SLC6A3: variants seen among roughly 807,000 people sequenced by gnomAD.
The protein encoded by SLC6A3 is solute carrier family 6 member 3, also known as sodium-dependent dopamine transporter.
SLC6A3 carries 19 observed loss-of-function variants against 70.4 expected under a neutral mutation model. The observed-to-expected ratio is 0.27, with a 90% CI of 0.19 to 0.40. The LOEUF is 0.40. SLC6A3 is among the 10% of genes least tolerant of loss of function. The pLI, the probability that SLC6A3 is intolerant of heterozygous loss-of-function variation, is 1.00. For synonymous variants in SLC6A3, 368 were observed against 356.6 expected, an observed-to-expected ratio of 1.03 and a Z score of -0.36; for missense variants, 613 against 838.5, an observed-to-expected ratio of 0.73 and a Z score of 3.32.
At chr5:1,425,202 G>A (rs1756551909) in intron 4 of SLC6A3, among the ~76,000 whole-genome samples, 1 of 152,216 alleles carries the variant, frequency 6.6e-6, no homozygotes, top group South Asian at 2.1e-4. Context: ...AGCCACTGGT[G>A]GTGATCCAGG....
chr5:1,401,728 C>T lies in SLC6A3; in HGVS notation c.1768-742G>A, dbSNP rs902364237. Among the ~76,000 whole-genome samples the T allele has an allele frequency of 5.3e-5, 8 of 152,234 alleles. No homozygotes were observed. Among genetic ancestry groups the T allele is most frequent in the Admixed American group, 3.9e-4 (6 of 15,292 alleles). ...AAGGGCGCTGGCTGTTCAGGTCCGC[C>T]GGGCTGTAGGCATCCTCCAGCTCTG... On this transcript the variant is annotated intron_variant, in intron 13 of 14. Transcript: ENST00000270349. The surrounding 1 kb of genome is among the most constrained non-coding windows in gnomAD (Gnocchi z 6.1).
In SLC6A3 at chr5:1,421,024, T is replaced by A. The variant is rs1287676638; in HGVS notation, c.793-321A>T. ...TCTGATGCGTGGGACGTGAGTGGAT[T>A]CACACTGGTGAACGGCACTGTGGCA... On this transcript the variant is annotated intron_variant, in intron 5 of 14. Transcript: ENST00000270349. This position sits in a 1 kb window ranked among gnomAD's most constrained non-coding sequence, Gnocchi z 7.2. 1.3e-5 allele frequency among the ~76,000 whole-genome samples: 2 copies of A among 152,178 alleles called. No homozygotes were observed. Among genetic ancestry groups the A allele is most frequent in the African/African-American group, 4.8e-5 (2 of 41,440 alleles).
chr5:1,402,899 A>C lies in SLC6A3; in HGVS notation c.1767+23T>G. ...TTCTGGTGGCCTCACACTCGGGTGA[A>C]GGCGCCCCGTCCAAATACCCACCTC... On this transcript the variant is annotated intron_variant, in intron 13 of 14. Coordinates refer to ENST00000270349, the MANE Select transcript of SLC6A3 (RefSeq NM_001044.5). The surrounding 1 kb of genome is among the most constrained non-coding windows in gnomAD (Gnocchi z 8.5). 1 of 1,611,458 alleles carries C rather than the reference A, an allele frequency of 6.2e-7. No individual in the cohort carries two copies. Among genetic ancestry groups the C allele is most frequent in the Non-Finnish European group, 8.5e-7 (1 of 1,179,580 alleles).
At chr5:1,431,569 G>A (rs1280909955) in intron 4 of SLC6A3, among the ~76,000 whole-genome samples, 1 of 149,790 alleles carries the variant, frequency 6.7e-6, no homozygotes, top group Non-Finnish European at 1.5e-5. Flanking sequence ...GGTGGACGGT[G>A]AGGGGTGGGC....
At position 1,397,538 on chromosome 5, in the gene SLC6A3, G is replaced by T; in HGVS notation, c.1840-2780C>A. On this transcript the variant is annotated intron_variant, in intron 14 of 14. Coordinates refer to ENST00000270349, the MANE Select transcript of SLC6A3 (RefSeq NM_001044.5). This position sits in a 1 kb window ranked among gnomAD's most constrained non-coding sequence, Gnocchi z 4.7. ...AGAAGAAACTCGGCCGAGTGCAGGG[G>T]TGAGGACAGAGCCCACCACAGAGCA... 6.6e-6 allele frequency among the ~76,000 whole-genome samples: 1 copy of T among 152,196 alleles called. No homozygotes were observed. The highest frequency in any genetic ancestry group is 1.5e-5 in the Non-Finnish European group (1 of 68,048).
intron 4 of SLC6A3, among the ~76,000 whole-genome samples, chr5:1,423,914 G>A (rs1011029302): frequency 2.6e-5 from 4 of 152,324 alleles, no homozygotes; most frequent in East Asian, 3.9e-4. Context: ...AGGTCCCCAG[G>A]AGATAAAACC....
chr5:1,405,971 G>A lies in SLC6A3; in HGVS notation c.1599+217C>T, dbSNP rs1755968650. Among the ~76,000 whole-genome samples the A allele has an allele frequency of 6.6e-6, 1 of 152,220 alleles. No individual in the cohort carries two copies. Among genetic ancestry groups the A allele is most frequent in the Non-Finnish European group, 1.5e-5 (1 of 68,050 alleles). Reference sequence around the variant, plus strand: ...GACTGTGACAGGGGTCCAAGACCATGTGAGGTTTTTTCGGTGGGTCTAGAG... The same window carrying A: ...GACTGTGACAGGGGTCCAAGACCATATGAGGTTTTTTCGGTGGGTCTAGAG... On this transcript the variant is annotated intron_variant, in intron 12 of 14. Transcript: ENST00000270349. The surrounding 1 kb of genome is among the most constrained non-coding windows in gnomAD (Gnocchi z 5.3).
At chr5:1,419,661 C>A (rs1238261842) in intron 6 of SLC6A3, among the ~76,000 whole-genome samples, 1 of 152,196 alleles carries the variant, frequency 6.6e-6, no homozygotes, top group East Asian at 1.9e-4. Context: ...GGGCCCCCGG[C>A]CACAGCTGAT....
Position 1,414,331 on chromosome 5 carries a change from T to C in SLC6A3, c.1156+360A>G, listed in dbSNP as rs557557332. ...GCACCAACTATGCTGCTCAGCTGCA[T>C]TTGGGCTTGAGGTTCCCCAGCCCAG... On this transcript the variant is annotated intron_variant, in intron 8 of 14. Coordinates refer to ENST00000270349, the MANE Select transcript of SLC6A3 (RefSeq NM_001044.5). 8.2e-3 allele frequency among the ~76,000 whole-genome samples: 737 copies of C among 90,068 alleles called. 5 individuals are homozygous for C. Among genetic ancestry groups the C allele is most frequent in the Non-Finnish European group, 0.012 (535 of 43,100 alleles). The allele number at this position is 90,068 out of a possible 152,430, so 59.1% of individuals were successfully genotyped here. A position where few individuals can be genotyped will look rare whatever the true frequency, so the allele number is the denominator to read the frequency against.
chr5:1,414,656 A>C (rs769578009), intron 8 of SLC6A3, 35 bp downstream of exon 8: 1 of 1,609,914 alleles, frequency 6.2e-7, no homozygotes, highest in Non-Finnish European at 8.5e-7. Context: ...CTGGTGCTAC[A>C]CGGAGCAGGC....
Position 1,406,285 on chromosome 5 carries a change from AC to A in SLC6A3, c.1501del (p.Val501LeufsTer11). Reference sequence around the variant, plus strand: ...CTGGATGTCGTCGCTGAACTGCCCAACACCTGAGGGAGAAGAGGTGGCATCA... The same window carrying A: ...CTGGATGTCGTCGCTGAACTGCCCAAACCTGAGGGAGAAGAGGTGGCATCA... The part of the protein sequence containing the change: ...EAIGVAWFYG[V>X]GQFSDDIQQM... On this transcript the variant is annotated frameshift_variant and splice_region_variant, in exon 12 of 15. Transcript: ENST00000270349. LOFTEE classifies it high-confidence loss of function. The surrounding 1 kb of genome is among the most constrained non-coding windows in gnomAD (Gnocchi z 8.8). 6.2e-7 allele frequency: 1 copy of A among 1,612,444 alleles called. No homozygotes were observed. Among genetic ancestry groups the A allele is most frequent in the Non-Finnish European group, 8.5e-7 (1 of 1,179,532 alleles).
chr5:1,431,865 G>T (rs1756714155), intron 4 of SLC6A3, among the ~76,000 whole-genome samples: 1 of 152,152 alleles, frequency 6.6e-6, no homozygotes, highest in South Asian at 2.1e-4. Context: ...GTGGAAAGAG[G>T]CCCAGAGACA....
chr5:1,418,925 T>TCATC (rs1394477403), intron 6 of SLC6A3, among the ~76,000 whole-genome samples: 1 of 132,294 alleles, frequency 7.6e-6, no homozygotes, highest in Non-Finnish European at 1.6e-5. Flanking sequence ...CACCCATCCA[T>TCATC]CATCCATTCA....
chr5:1,401,990 T>C lies in SLC6A3; in HGVS notation c.1767+932A>G, dbSNP rs1755862322. 6.6e-6 allele frequency among the ~76,000 whole-genome samples: 1 copy of C among 152,194 alleles called. No homozygotes were observed. The highest frequency in any genetic ancestry group is 1.5e-5 in the Non-Finnish European group (1 of 68,032). The stretch of plus-strand genomic sequence containing the variant: ...GCCACACACTGTGCTTTGCCTGCAC[T>C]GGGCCTTGGCCTGGCCAGGCTGCTG... On this transcript the variant is annotated intron_variant, in intron 13 of 14. Transcript: ENST00000270349. This position sits in a 1 kb window ranked among gnomAD's most constrained non-coding sequence, Gnocchi z 6.1.
chr5:1,405,884 C>G lies in SLC6A3; in HGVS notation c.1599+304G>C, dbSNP rs904610772. Among the ~76,000 whole-genome samples, 3 of 152,214 alleles carry G rather than the reference C, an allele frequency of 2.0e-5. No individual in the cohort carries two copies. Among genetic ancestry groups the G allele is most frequent in the African/African-American group, 7.2e-5 (3 of 41,462 alleles). On this transcript the variant is annotated intron_variant, in intron 12 of 14. Coordinates refer to ENST00000270349, the MANE Select transcript of SLC6A3 (RefSeq NM_001044.5). The surrounding 1 kb of genome is among the most constrained non-coding windows in gnomAD (Gnocchi z 5.3). Reference sequence around the variant, plus strand: ...CACAGGCAGAGGTGAGTGGACAGCCCGACTCACCTCCAGCTTCCCCTCCCA... The same window carrying G: ...CACAGGCAGAGGTGAGTGGACAGCCGGACTCACCTCCAGCTTCCCCTCCCA...
intron 7 of SLC6A3, among the ~76,000 whole-genome samples, chr5:1,415,144 G>A (rs1756255321): frequency 6.6e-6 from 1 of 151,998 alleles, no homozygotes. Flanking sequence ...CACCTCCCGG[G>A]GACCTCGCTA....
At chr5:1,419,450 G>T (rs1433773865) in intron 6 of SLC6A3, among the ~76,000 whole-genome samples, 2 of 152,202 alleles carry the variant, frequency 1.3e-5, no homozygotes, top group East Asian at 3.8e-4. Context: ...CACATGCACT[G>T]GTGTTTGTTT....
chr5:1,394,552 G>A lies in SLC6A3; in HGVS notation c.*183C>T, dbSNP rs1277103487. 10 of 715,384 alleles carry A rather than the reference G, an allele frequency of 1.4e-5. No homozygotes were observed. The highest frequency in any genetic ancestry group is 5.2e-5 in the African/African-American group (3 of 57,750). The allele number at this position is 715,384 out of a possible 1,614,324, so 44.3% of individuals were successfully genotyped here. On this transcript the variant is annotated 3_prime_UTR_variant, in exon 15 of 15. Transcript: ENST00000270349. This position sits in a 1 kb window ranked among gnomAD's most constrained non-coding sequence, Gnocchi z 4.7. ...AGCAACACAAGACACGGCGAGGTGC[G>A]CTCCCGGCACGGAAAGGTGTAAACA...
Position 1,414,744 on chromosome 5 carries a change from A to C in SLC6A3, c.1103T>G (p.Leu368Arg). Residue 368 changes from leucine (L) to arginine (R), a missense_variant, in exon 8 of 15, where the codon CTG becomes CGG. Leu to Arg is a moderately radical substitution (Grantham distance 102). Around this residue, in one of 4 missense-constraint regions of SLC6A3, gnomAD observed 348 missense variants for 481.2 expected, o/e 0.72. Transcript: ENST00000270349. ...ACTGTGCTTCTGTGCCATGTACCCC[A>C]GGAAGGAGAAGACGACGAAGCCGGA... ...FSSGFVVFSF[L>R]GYMAQKHSVP... The C allele has an allele frequency of 6.2e-7, 1 of 1,612,868 alleles. No individual in the cohort carries two copies. Among genetic ancestry groups the C allele is most frequent in the Non-Finnish European group, 8.5e-7 (1 of 1,179,892 alleles).
Sources: gnomAD v4.1 joint callset for allele counts (sites outside exome capture counted in the v4.1 genomes callset) on GRCh38, gnomAD v4.1.1 for gene constraint, gnomAD v4.1.1 regional missense constraint, Gnocchi (gnomAD v3.1) non-coding constraint, MANE v1.5 for transcripts, NCBI Gene and HGNC (gene_info 2026-07-23, HGNC 2026-07-21) for gene names.